The following SLMAP variants were observed in gnomAD, a reference collection of about 807,000 sequenced individuals.
SLMAP encodes sarcolemmal membrane-associated protein.
In SLMAP, 44 loss-of-function variants were observed where a neutral mutation model predicts 128.8. That is an observed-to-expected ratio of 0.34 (90% confidence interval 0.27 to 0.44). The LOEUF is 0.44. Among genes scored for constraint, SLMAP ranks in the 20% least tolerant of loss-of-function variants. The pLI, the probability that SLMAP is intolerant of heterozygous loss-of-function variation, is 1.00. For missense variants in SLMAP, 787 were observed against 985.3 expected, an observed-to-expected ratio of 0.80 and a Z score of 2.69; for synonymous variants, 327 against 348.8, an observed-to-expected ratio of 0.94 and a Z score of 0.70.
intron 17 of SLMAP, 100 bp from the exon 18 acceptor site, chr3:57,907,784 T>C: frequency 8.9e-7 from 1 of 1,117,944 alleles, no homozygotes; most frequent in South Asian, 1.7e-5. Flanking sequence ...TGTTCTATGT[T>C]GTTTATGCAT....
chr3:57,807,738 T>C (rs2090168624), intron 2 of SLMAP, among the ~76,000 whole-genome samples: 1 of 152,126 alleles, frequency 6.6e-6, no homozygotes. Flanking sequence ...AAGTTTTCTT[T>C]TTTTGTTGTG....
At chr3:57,912,297 C>A in intron 19 of SLMAP, 84 bp from the exon 20 acceptor site, 1 of 1,175,368 alleles carries the variant, frequency 8.5e-7, no homozygotes, top group Non-Finnish European at 1.2e-6. Context: ...GCTCTGACAA[C>A]CCAGGTTATG....
chr3:57,778,351 A>G (rs545584838), intron 2 of SLMAP, among the ~76,000 whole-genome samples: 2 of 149,354 alleles, frequency 1.3e-5, no homozygotes, highest in East Asian at 1.9e-4. Context: ...CTTATTCTCA[A>G]TGTTGGTAAT....
chr3:57,907,863 A>C (rs1219944823), intron 17 of SLMAP, 21 bp from the exon 18 acceptor site: 2 of 1,610,406 alleles, frequency 1.2e-6, no homozygotes, highest in Non-Finnish European at 1.7e-6. Context: ...CTTGCTTTTA[A>C]AATAAACATG....
chr3:57,917,318 T>A, intron 22 of SLMAP: 1 of 948,934 alleles, frequency 1.1e-6, no homozygotes, highest in Non-Finnish European at 1.5e-6. Flanking sequence ...AATTTTTCTC[T>A]ACCAGTTACT....
At chr3:57,865,351 C>T in intron 13 of SLMAP, 59 bp downstream of exon 13, 2 of 726,806 alleles carry the variant, frequency 2.8e-6, no homozygotes, top group East Asian at 2.8e-5. Context: ...AGTATTTAAG[C>T]AGGATAAGGA....
chr3:57,763,494 C>T (rs1029052930), intron 2 of SLMAP, among the ~76,000 whole-genome samples: 1 of 151,898 alleles, frequency 6.6e-6, no homozygotes, highest in African/African-American at 2.4e-5. Context: ...AAGCTGGTCT[C>T]GAACTCCTGA....
intron 15 of SLMAP, among the ~76,000 whole-genome samples, chr3:57,891,710 G>T (rs2096075074): frequency 6.6e-6 from 1 of 152,020 alleles, no homozygotes; most frequent in Non-Finnish European, 1.5e-5. Flanking sequence ...CTGAGTAACT[G>T]GAATTATAGG....
chr3:57,907,671 A>C (rs1471098730), intron 17 of SLMAP, among the ~76,000 whole-genome samples: 1 of 152,208 alleles, frequency 6.6e-6, no homozygotes, highest in Non-Finnish European at 1.5e-5. Context: ...ATATTTTTAT[A>C]ATGTCATCAC....
At chr3:57,823,811 G>A (rs1417625161) in intron 2 of SLMAP, among the ~76,000 whole-genome samples, 1 of 152,270 alleles carries the variant, frequency 6.6e-6, no homozygotes, top group East Asian at 1.9e-4. Context: ...TTCCACAATG[G>A]TTGAACTAGT....
At chr3:57,912,204 T>G (rs1576291772) in intron 19 of SLMAP, 177 bp from the exon 20 acceptor site, 5 of 517,026 alleles carry the variant, frequency 9.7e-6, no homozygotes, top group South Asian at 6.0e-5. Context: ...ATCACTTTGG[T>G]TTTTTTTTCC....
At chr3:57,922,123 G>A (rs984082986) in intron 22 of SLMAP, among the ~76,000 whole-genome samples, 2 of 152,162 alleles carry the variant, frequency 1.3e-5, no homozygotes, top group African/African-American at 4.8e-5. Flanking sequence ...TTAATACCCA[G>A]TAATGCTGGG....
intron 20 of SLMAP, among the ~76,000 whole-genome samples, 190 bp downstream of exon 20, chr3:57,912,891 G>A (rs960190402): frequency 6.6e-6 from 1 of 151,420 alleles, no homozygotes; most frequent in South Asian, 2.1e-4. Context: ...ATTTTTTTAC[G>A]GTTTTATATT....
At chr3:57,768,687 A>G (rs919257642) in intron 2 of SLMAP, among the ~76,000 whole-genome samples, 3 of 152,210 alleles carry the variant, frequency 2.0e-5, no homozygotes, top group African/African-American at 7.2e-5. Context: ...TTTTGGTCAA[A>G]CACCAACCTG....
intron 24 of SLMAP, among the ~76,000 whole-genome samples, chr3:57,926,471 G>A (rs1371935254): frequency 2.0e-5 from 3 of 152,070 alleles, no homozygotes; most frequent in African/African-American, 7.3e-5. Flanking sequence ...CAACCCTATT[G>A]TGTACTTGCA....
intron 17 of SLMAP, among the ~76,000 whole-genome samples, chr3:57,905,787 C>G (rs1050729559): frequency 1.3e-5 from 2 of 151,956 alleles, no homozygotes; most frequent in Non-Finnish European, 2.9e-5. Flanking sequence ...TAACATACAG[C>G]AATAGTCCTC....
intron 10 of SLMAP, 79 bp downstream of exon 10, chr3:57,862,165 C>A: frequency 2.5e-6 from 3 of 1,223,144 alleles, no homozygotes; most frequent in Non-Finnish European, 3.5e-6. Flanking sequence ...TTAGGTATTG[C>A]TTTAGCTGGG....
At position 57,891,117 on chromosome 3, in the gene SLMAP, A is replaced by G. The variant is rs1191506193; in HGVS notation, c.1360+1017A>G. ...TTCACCTTATTAAAGTGAGATGAGA[A>G]CAGACCTTAAAATAGCTTTTACCTC... On this transcript the variant is annotated intron_variant, in intron 15 of 24. Coordinates refer to ENST00000671191, the MANE Select transcript of SLMAP (RefSeq NM_001377540.1). 6 of 152,152 alleles carry G rather than the reference A, an allele frequency of 3.9e-5. No homozygotes were observed. In the East Asian group the frequency reaches 1.2e-3, roughly 29 times the overall value. 9.4% of individuals were successfully genotyped at this position (152,152 alleles called of 1,614,324 possible). A position where few individuals can be genotyped will look rare whatever the true frequency, so the allele number is the denominator to read the frequency against.
intron 12 of SLMAP, 147 bp from the exon 13 acceptor site, chr3:57,865,095 T>C (rs766550883): frequency 6.8e-5 from 41 of 600,558 alleles, no homozygotes; most frequent in Middle Eastern, 2.8e-4. Context: ...GATATTTAAA[T>C]AAGAAAAGTA....
Sources: allele counts gnomAD v4.1 joint callset (sites outside exome capture counted in the v4.1 genomes callset), GRCh38; gene constraint gnomAD v4.1.1; transcripts MANE v1.5; gene names NCBI Gene and HGNC (gene_info 2026-07-23, HGNC 2026-07-21).